PCDH15: variants seen among roughly 807,000 people sequenced by gnomAD.
The protein encoded by PCDH15 is protocadherin-15.
A neutral mutation model predicts 178.5 loss-of-function variants in PCDH15; 129 were observed. That is an observed-to-expected ratio of 0.72 (90% CI 0.63 to 0.84). PCDH15 has a LOEUF of 0.84. Among genes scored for constraint, PCDH15 ranks in the 40% least tolerant of loss-of-function variants. The probability of loss-of-function intolerance (pLI) is 0.00; values close to 1 mark genes in which losing one functional copy is unlikely to be tolerated. For synonymous variants in PCDH15, 800 were observed against 732.0 expected (o/e 1.09, Z -1.50); for missense variants, 2,230 against 2,099.9 (o/e 1.06, Z -1.21).
At chr10:54,719,218 A>C (rs2095516352) in intron 1 of PCDH15, among the ~76,000 whole-genome samples, 1 of 152,134 alleles carries the variant, frequency 6.6e-6, no homozygotes, top group Non-Finnish European at 1.5e-5. Flanking sequence ...TAATTACAAA[A>C]TACAGTTGAA....
intron 2 of PCDH15, among the ~76,000 whole-genome samples, chr10:55,431,864 T>A (rs535020001): frequency 6.6e-5 from 10 of 152,264 alleles, no homozygotes; most frequent in African/African-American, 2.4e-4. Flanking sequence ...ATGATTCCAT[T>A]TCCCTCCTCT....
At chr10:55,241,091 C>T (rs1279153516) in intron 1 of PCDH15, among the ~76,000 whole-genome samples, 1 of 152,066 alleles carries the variant, frequency 6.6e-6, no homozygotes, top group African/African-American at 2.4e-5. Context: ...TGGCACACAC[C>T]TGTAGTCCCA....
chr10:55,481,023 T>A (rs1017153748), intron 2 of PCDH15, among the ~76,000 whole-genome samples: 3 of 151,846 alleles, frequency 2.0e-5, no homozygotes, highest in Admixed American at 6.6e-5. Flanking sequence ...AACTCATTAT[T>A]GGTCTGATCA....
chr10:53,977,060 A>T (rs989394741), intron 21 of PCDH15, among the ~76,000 whole-genome samples: 1 of 151,790 alleles, frequency 6.6e-6, no homozygotes, highest in Non-Finnish European at 1.5e-5. Flanking sequence ...ATGTAGTTAC[A>T]TTTCTTCTCT....
chr10:55,335,151 G>A (rs573687161), intron 2 of PCDH15, among the ~76,000 whole-genome samples: 5 of 152,274 alleles, frequency 3.3e-5, no homozygotes, highest in African/African-American at 7.2e-5. Flanking sequence ...AAACCCAGAA[G>A]TGCAGCTTTT....
intron 2 of PCDH15, among the ~76,000 whole-genome samples, chr10:54,907,743 G>T (rs1954749627): frequency 6.6e-6 from 1 of 152,104 alleles, no homozygotes; most frequent in African/African-American, 2.4e-5. Context: ...GTGTGATATT[G>T]CAATATTGTG....
chr10:53,888,576 GTTTTTTTT>G (rs71004492), intron 26 of PCDH15, among the ~76,000 whole-genome samples: 46 of 39,446 alleles, frequency 1.2e-3, no homozygotes, highest in Non-Finnish European at 2.0e-3. Context: ...GATTTTGTCT[GTTTTTTTT>G]TTTTTTTTTT....
chr10:55,516,728 C>T (rs892149757), intron 2 of PCDH15, among the ~76,000 whole-genome samples: 1 of 152,010 alleles, frequency 6.6e-6, no homozygotes, highest in Non-Finnish European at 1.5e-5. Flanking sequence ...GACCAGATGC[C>T]TTGGGATTCA....
intron 3 of PCDH15, among the ~76,000 whole-genome samples, chr10:54,494,681 C>T (rs981368254): frequency 2.0e-5 from 3 of 152,128 alleles, no homozygotes; most frequent in African/African-American, 7.2e-5. Context: ...CCTTGTGAGG[C>T]TGGCAGATAT....
At chr10:54,256,940 C>T (rs989159946) in intron 8 of PCDH15, among the ~76,000 whole-genome samples, 11 of 152,024 alleles carry the variant, frequency 7.2e-5, no homozygotes, top group Non-Finnish European at 1.0e-4. Context: ...CTCCCTGAAG[C>T]AGTAAAATAA....
Position 54,594,476 on chromosome 10 carries a change from C to A in PCDH15, c.92-66599G>T, listed in dbSNP as rs150783802. ...TGTACCTGCTAGCAGTGTACCCCCC[C>A]AGGCACCTCAAGGGGGCCTGCCTCA... On this transcript the variant is annotated intron_variant, in intron 2 of 37. Coordinates refer to ENST00000644397, the MANE Select transcript of PCDH15 (RefSeq NM_001384140.1). 5.7e-3 allele frequency among the ~76,000 whole-genome samples: 872 copies of A among 152,226 alleles called. 7 individuals are homozygous for A. Among genetic ancestry groups the A allele is most frequent in the African/African-American group, 0.018 (758 of 41,562 alleles).
At chr10:54,851,335 A>T (rs1424783986) in intron 3 of PCDH15, among the ~76,000 whole-genome samples, 2 of 152,150 alleles carry the variant, frequency 1.3e-5, no homozygotes, top group African/African-American at 4.8e-5. Flanking sequence ...TGGAAGATAC[A>T]TTTTTAAAAT....
chr10:54,345,507 G>A (rs992185235), intron 6 of PCDH15, among the ~76,000 whole-genome samples: 1 of 152,044 alleles, frequency 6.6e-6, no homozygotes, highest in Non-Finnish European at 1.5e-5. Context: ...AAAGTGGGGA[G>A]ATGTGAGGCA....
chr10:55,421,129 T>G (rs10763202), intron 2 of PCDH15, among the ~76,000 whole-genome samples: 71,052 of 151,020 alleles, frequency 0.47, 17,542 homozygotes, highest in Middle Eastern at 0.53. Flanking sequence ...GAAGTCAAAA[T>G]ATATAAGATG....
intron 5 of PCDH15, 81 bp from the exon 6 acceptor site, chr10:54,346,565 C>T: frequency 2.0e-6 from 3 of 1,526,044 alleles, no homozygotes; most frequent in Non-Finnish European, 2.7e-6. Context: ...AAAATCAGCT[C>T]TTTATTACCT....
At chr10:54,729,137 G>A (rs942839346) in intron 1 of PCDH15, among the ~76,000 whole-genome samples, 6 of 151,544 alleles carry the variant, frequency 4.0e-5, no homozygotes, top group African/African-American at 1.5e-4. Context: ...AAACAACAAA[G>A]TTGAAAGCAT....
At chr10:54,804,946 T>TATAC (rs1410981346), upstream of PCDH15, among the ~76,000 whole-genome samples, 1 of 136,438 alleles carries the variant, frequency 7.3e-6, no homozygotes, top group Non-Finnish European at 1.6e-5. Context: ...TATATATATA[T>TATAC]ATACAGAGTT....
intron 2 of PCDH15, among the ~76,000 whole-genome samples, chr10:55,554,468 T>C (rs967731305): frequency 6.6e-6 from 1 of 152,054 alleles, no homozygotes; most frequent in African/African-American, 2.4e-5. Context: ...GTACAATTAT[T>C]ACAATTAATG....
chr10:54,973,680 G>A (rs1177936190), intron 2 of PCDH15, among the ~76,000 whole-genome samples: 1 of 152,096 alleles, frequency 6.6e-6, no homozygotes, highest in Non-Finnish European at 1.5e-5. Flanking sequence ...TGAAACATGT[G>A]CCTTGTCTCA....
Sources: gnomAD v4.1 joint callset for allele counts (sites outside exome capture counted in the v4.1 genomes callset) on GRCh38, gnomAD v4.1.1 for gene constraint, MANE v1.5 for transcripts, NCBI Gene and HGNC (gene_info 2026-07-23, HGNC 2026-07-21) for gene names.